The following ATP11C variants were observed in gnomAD, a reference collection of about 807,000 sequenced individuals.
ATP11C encodes ATPase phospholipid transporting 11C (ATP11C blood group), also known as phospholipid-transporting ATPase IG.
Under a neutral mutation model 97.4 loss-of-function variants are expected in ATP11C, and 36 were observed. That is an observed-to-expected ratio of 0.37 (90% CI 0.28 to 0.49). The LOEUF (loss-of-function observed/expected upper bound fraction) is 0.49. Ranked by LOEUF, ATP11C falls within the 20% of genes least tolerant of loss-of-function variation. The pLI, the probability that ATP11C is intolerant of heterozygous loss-of-function variation, is 0.98. For synonymous variants in ATP11C, 275 were observed against 290.9 expected (o/e 0.95, Z 0.56); for missense variants, 730 against 824.6 (o/e 0.89, Z 1.40).
intron 1 of ATP11C, among the ~76,000 whole-genome samples, chrX:139,895,467 G>A (rs2084791072): frequency 1.8e-5 from 2 of 111,154 alleles, no homozygotes; most frequent in South Asian, 3.8e-4. Context: ...ACAGGGTTTT[G>A]CCATGTTGGC....
At position 139,848,981 on chromosome X, in the gene ATP11C, T is replaced by G. The variant is rs148925028; in HGVS notation, c.28-22158A>C. 4.5e-5 allele frequency among the ~76,000 whole-genome samples: 5 copies of G among 112,072 alleles called. No individual in the cohort carries two copies. The East Asian group carries it at 1.4e-3, about 32-fold the overall frequency. ...GTGCTACTCCACAAACCTCCACTTG[T>G]CTTCCTTCATCTGACTCTCCACTTA... On this transcript the variant is annotated intron_variant, in intron 1 of 29. Coordinates refer to ENST00000682941, the MANE Select transcript of ATP11C (RefSeq NM_001353812.2).
intron 1 of ATP11C, among the ~76,000 whole-genome samples, chrX:139,840,791 T>C (rs2083816977): frequency 9.0e-6 from 1 of 110,819 alleles, no homozygotes; most frequent in African/African-American, 3.3e-5. Flanking sequence ...TTTCACAGCA[T>C]TGATTTCTCT....
In ATP11C at chrX:139,799,467, G is replaced by A. The variant is rs970984997; in HGVS notation, c.710+593C>T. ...CAATGTTGTCAGCCACTTCACAACC[G>A]AGGATAATAAATAACATGGCTAGAA... On this transcript the variant is annotated intron_variant, in intron 8 of 29. Coordinates refer to ENST00000682941, the MANE Select transcript of ATP11C (RefSeq NM_001353812.2). Among the ~76,000 whole-genome samples the A allele has an allele frequency of 9.1e-5, 10 of 109,598 alleles. No homozygotes were observed. The East Asian group carries it at 1.4e-3, about 16-fold the overall frequency.
chrX:139,874,685 T>A (rs1361248590), intron 1 of ATP11C, among the ~76,000 whole-genome samples: 1 of 107,986 alleles, frequency 9.3e-6, no homozygotes, highest in East Asian at 3.1e-4. Flanking sequence ...CCCAGGGAAC[T>A]TGTTCAAAAT....
At chrX:139,820,275 C>T (rs1377627069) in intron 2 of ATP11C, among the ~76,000 whole-genome samples, 1 of 109,464 alleles carries the variant, frequency 9.1e-6, no homozygotes, top group Non-Finnish European at 1.9e-5. Flanking sequence ...GTGGTGCACG[C>T]CTGTAGTCCC....
At chrX:139,862,424 A>G (rs2084215824) in intron 1 of ATP11C, among the ~76,000 whole-genome samples, 1 of 111,380 alleles carries the variant, frequency 9.0e-6, no homozygotes, top group South Asian at 3.8e-4. Flanking sequence ...AATTTTGGGG[A>G]CTGCGCCCTC....
chrX:139,762,058 G>A lies in ATP11C; in HGVS notation c.2543C>T (p.Ser848Phe). 1.7e-6 allele frequency: 2 copies of A among 1,208,161 alleles called. No individual in the cohort carries two copies. The highest frequency in any genetic ancestry group is 2.2e-6 in the Non-Finnish European group (2 of 892,874). Residue 848 changes from serine to phenylalanine, a missense_variant, in exon 22 of 30, where the codon TCT becomes TTT. Ser to Phe is a radical substitution (Grantham distance 155). Transcript: ENST00000682941. Reference protein sequence around the residue: ...GRQAARNSDYSVPKFKHLKKL... With the variant: ...GRQAARNSDYFVPKFKHLKKL... Reference sequence around the variant, plus strand: ...CTTTAAGTGTTTAAACTTTGGAACAGAATAATCGCTATTCCTAGCTGCTTG... The same window carrying A: ...CTTTAAGTGTTTAAACTTTGGAACAAAATAATCGCTATTCCTAGCTGCTTG...
chrX:139,826,905 C>T, intron 1 of ATP11C, 82 bp from the exon 2 acceptor site: 2 of 1,006,297 alleles, frequency 2.0e-6, no homozygotes, highest in South Asian at 4.7e-5. Flanking sequence ...CTTGTCCAAG[C>T]ATGCTGGGCC....
At chrX:139,731,187 A>G (rs888493350) in intron 29 of ATP11C, among the ~76,000 whole-genome samples, 1 of 111,999 alleles carries the variant, frequency 8.9e-6, no homozygotes, top group Non-Finnish European at 1.9e-5. Flanking sequence ...CAGCACATGA[A>G]GGTACAAACA....
intron 22 of ATP11C, among the ~76,000 whole-genome samples, chrX:139,761,501 T>C (rs188735922): frequency 9.0e-6 from 1 of 110,961 alleles, no homozygotes; most frequent in Non-Finnish European, 1.9e-5. Flanking sequence ...TTTAGAAAAT[T>C]TTTATTTTTG....
At chrX:139,858,679 ATAT>A (rs1264035194) in intron 1 of ATP11C, among the ~76,000 whole-genome samples, 1 of 112,415 alleles carries the variant, frequency 8.9e-6, no homozygotes. Flanking sequence ...AACAAAAAAG[ATAT>A]TATTATCCCC....
At chrX:139,826,871 CACACTTCTACCAAGCCCAT>C in intron 1 of ATP11C, 48 bp from the exon 2 acceptor site, 1 of 1,156,533 alleles carries the variant, frequency 8.6e-7, no homozygotes, top group Non-Finnish European at 1.2e-6. Flanking sequence ...CACATTTGTC[CACACTTCTACCAAGCCCAT>C]AATTCTTGTC....
chrX:139,748,469 A>C (rs2081739977), intron 24 of ATP11C, among the ~76,000 whole-genome samples: 1 of 111,487 alleles, frequency 9.0e-6, no homozygotes, highest in Admixed American at 9.5e-5. Context: ...CAGTTAAAAC[A>C]ATGTTTTAAA....
intron 1 of ATP11C, among the ~76,000 whole-genome samples, chrX:139,866,343 C>CAAA (rs57250412): frequency 9.5e-4 from 26 of 27,499 alleles, no homozygotes; most frequent in African/African-American, 1.4e-3. Flanking sequence ...GACTCTGTCT[C>CAAA]AAAAAAAAAA....
intron 24 of ATP11C, 74 bp from the exon 25 acceptor site, chrX:139,745,931 G>T: frequency 9.1e-7 from 1 of 1,095,418 alleles, no homozygotes; most frequent in South Asian, 2.2e-5. Context: ...TCAAAGGTGG[G>T]CGTGGAATTT....
intron 15 of ATP11C, 91 bp from the exon 16 acceptor site, chrX:139,785,390 A>G: frequency 1.6e-6 from 1 of 642,435 alleles, no homozygotes. Context: ...AAACATCTTA[A>G]ATCAACAGAT....
At chrX:139,750,359 C>A (rs1000924945) in intron 23 of ATP11C, among the ~76,000 whole-genome samples, 4 of 111,714 alleles carry the variant, frequency 3.6e-5, no homozygotes, top group Non-Finnish European at 1.9e-5. Flanking sequence ...CATTAATACA[C>A]CTCCCCTTTA....
chrX:139,748,100 C>G (rs1310795469), intron 24 of ATP11C, among the ~76,000 whole-genome samples: 1 of 112,013 alleles, frequency 8.9e-6, no homozygotes, highest in Non-Finnish European at 1.9e-5. Flanking sequence ...CAGCACAGCT[C>G]TGAAGGCTGG....
At chrX:139,743,787 C>T (rs1415461842) in intron 25 of ATP11C, among the ~76,000 whole-genome samples, 163 bp from the exon 26 acceptor site, 11 of 111,420 alleles carry the variant, frequency 9.9e-5, no homozygotes, top group Non-Finnish European at 7.5e-5. Context: ...GGCCACAATG[C>T]CAGATTTTCC....
Sources: gnomAD v4.1 joint callset for allele counts (sites outside exome capture counted in the v4.1 genomes callset) on GRCh38, gnomAD v4.1.1 for gene constraint, MANE v1.5 for transcripts, NCBI Gene and HGNC (gene_info 2026-07-23, HGNC 2026-07-21) for gene names.